DNAJC5: variants seen among roughly 807,000 people sequenced by gnomAD.
The protein encoded by DNAJC5 is dnaJ homolog subfamily C member 5.
Under a neutral mutation model 23.2 loss-of-function variants are expected in DNAJC5, and 1 was observed. The observed-to-expected ratio is 0.04, with a 90% CI of 0.02 to 0.20. The LOEUF (loss-of-function observed/expected upper bound fraction) is 0.20. Among genes scored for constraint, DNAJC5 ranks in the 10% least tolerant of loss-of-function variants. DNAJC5 has a pLI of 1.00. For synonymous variants in DNAJC5, 136 were observed against 120.0 expected (o/e 1.13, Z -0.87); for missense variants, 180 against 267.0 (o/e 0.67, Z 2.27).
At chr20:63,910,349 C>T (rs2053474670) in intron 1 of DNAJC5, among the ~76,000 whole-genome samples, 1 of 152,006 alleles carries the variant, frequency 6.6e-6, no homozygotes, top group Non-Finnish European at 1.5e-5. Context: ...TGGAGACCAT[C>T]CTGGCTAACA....
rs1399475615 is a variant in DNAJC5 at position 63,934,823 on chromosome 20, G to T, written c.*3255G>T. 1 of 152,234 alleles carries T rather than the reference G, an allele frequency of 6.6e-6. No homozygotes were observed. Among genetic ancestry groups the T allele is most frequent in the Non-Finnish European group, 1.5e-5 (1 of 68,052 alleles). The allele number at this position is 152,234 out of a possible 1,614,324, so 9.4% of individuals were successfully genotyped here. A position where few individuals can be genotyped will look rare whatever the true frequency, so the allele number is the denominator to read the frequency against. ...AGAAGAGGCCCTGGAGCCTCACGCCGTCGAGGCTGCTCTCAGGCGTTCTGT... is the reference window on the plus strand; with the variant it reads ...AGAAGAGGCCCTGGAGCCTCACGCCTTCGAGGCTGCTCTCAGGCGTTCTGT... On this transcript the variant is annotated 3_prime_UTR_variant, in exon 5 of 5. Coordinates refer to ENST00000360864, the MANE Select transcript of DNAJC5 (RefSeq NM_025219.3).
intron 1 of DNAJC5, among the ~76,000 whole-genome samples, chr20:63,897,002 C>T (rs1039673389): frequency 6.6e-5 from 10 of 152,070 alleles, no homozygotes; most frequent in African/African-American, 1.5e-4. Context: ...TGAGGAAAGA[C>T]AGCCAGGTAA....
chr20:63,912,276 G>A (rs924170954), intron 1 of DNAJC5, among the ~76,000 whole-genome samples: 51 of 150,562 alleles, frequency 3.4e-4, no homozygotes, highest in African/African-American at 9.8e-4. Context: ...GCACTCCAGC[G>A]TGGGCGACAG....
intron 1 of DNAJC5, among the ~76,000 whole-genome samples, chr20:63,914,066 G>A (rs2053500432): frequency 6.6e-6 from 1 of 152,160 alleles, no homozygotes; most frequent in African/African-American, 2.4e-5. Flanking sequence ...CGAGGCAGTA[G>A]TGAGAAGCCG....
At position 63,931,298 on chromosome 20, in the gene DNAJC5, GGCGGTGACCCAAGGCGACGGAGGAAA is replaced by G; in HGVS notation, c.494-164_494-139del. 5 of 812,142 alleles carry G rather than the reference GGCGGTGACCCAAGGCGACGGAGGAAA, an allele frequency of 6.2e-6. No homozygotes were observed. The allele number at this position is 812,142 out of a possible 1,614,324, so 50.3% of individuals were successfully genotyped here. On this transcript the variant is annotated intron_variant, in intron 4 of 4. Coordinates refer to ENST00000360864, the MANE Select transcript of DNAJC5 (RefSeq NM_025219.3). The surrounding 1 kb of genome is among the most constrained non-coding windows in gnomAD (Gnocchi z 9.6). ...GGGGCGGGGCTGAGGGCCGAGGGCT[GGCGGTGACCCAAGGCGACGGAGGAAA>G]GCCGTGTGGGGTGGAGGTCAGCGAG...
intron 1 of DNAJC5, among the ~76,000 whole-genome samples, chr20:63,910,029 C>G (rs1327442674): frequency 6.6e-6 from 1 of 152,224 alleles, no homozygotes; most frequent in Admixed American, 6.5e-5. Context: ...GCTTTCTTCT[C>G]TAGTGTTGCA....
intron 1 of DNAJC5, among the ~76,000 whole-genome samples, chr20:63,901,784 T>C (rs2053414666): frequency 6.6e-6 from 1 of 152,216 alleles, no homozygotes; most frequent in Non-Finnish European, 1.5e-5. Flanking sequence ...AGGATTGTGT[T>C]TTATTGTAAG....
At chr20:63,904,359 C>T (rs1052856749) in intron 1 of DNAJC5, among the ~76,000 whole-genome samples, 17 of 152,162 alleles carry the variant, frequency 1.1e-4, no homozygotes, top group East Asian at 1.9e-4. Flanking sequence ...TGCATCATCC[C>T]GCCAGGTTGG....
In DNAJC5 at chr20:63,928,495, C is replaced by T. The variant is rs754285564; in HGVS notation, c.107+43C>T. 17 of 1,513,736 alleles carry T rather than the reference C, an allele frequency of 1.1e-5. No individual in the cohort carries two copies. In the East Asian group the frequency reaches 3.8e-4, roughly 34 times the overall value. The allele number at this position is 1,513,736 out of a possible 1,614,324, so 93.8% of individuals were successfully genotyped here. On this transcript the variant is annotated intron_variant, in intron 2 of 4. Transcript: ENST00000360864. This position sits in a 1 kb window ranked among gnomAD's most constrained non-coding sequence, Gnocchi z 4.6. ...GCCCCCACATCCCCCCAGGAAGACA[C>T]ACATGCCCCGTGTGGTTTAGTCTGC...
chr20:63,912,899 C>T (rs529763893), intron 1 of DNAJC5, among the ~76,000 whole-genome samples: 4 of 152,166 alleles, frequency 2.6e-5, no homozygotes, highest in African/African-American at 7.2e-5. Flanking sequence ...GGCCACCGTG[C>T]CCGGCCGGCA....
At position 63,896,545 on chromosome 20, in the gene DNAJC5, C is replaced by G. The variant is rs141794529; in HGVS notation, c.-12+1222C>G. Among the ~76,000 whole-genome samples the G allele has an allele frequency of 6.5e-3, 984 of 152,290 alleles. 8 individuals carry two copies. The highest frequency in any genetic ancestry group is 0.023 in the African/African-American group (943 of 41,558). On this transcript the variant is annotated intron_variant, in intron 1 of 4. Transcript: ENST00000360864. ...CCCTCAGACTGGCCCCTGACTCACT[C>G]TGCACCTGCCATATCAGCCTCCTTG...
chr20:63,931,228 C>G lies in DNAJC5; in HGVS notation c.493+206C>G, dbSNP rs902484520. The G allele has an allele frequency of 1.3e-6, 1 of 792,330 alleles. No individual in the cohort carries two copies. Among genetic ancestry groups the G allele is most frequent in the African/African-American group, 1.7e-5 (1 of 58,836 alleles). 49.1% of individuals were successfully genotyped at this position (792,330 alleles called of 1,614,324 possible). A position where few individuals can be genotyped will look rare whatever the true frequency, so the allele number is the denominator to read the frequency against. Reference sequence around the variant, plus strand: ...TGTCCCCGCCGTGACCTGCGGTAGCCGTAGATCCCAGGGACTGCGAGGCGG... The same window carrying G: ...TGTCCCCGCCGTGACCTGCGGTAGCGGTAGATCCCAGGGACTGCGAGGCGG... On this transcript the variant is annotated intron_variant, in intron 4 of 4. Transcript: ENST00000360864. The surrounding 1 kb of genome is among the most constrained non-coding windows in gnomAD (Gnocchi z 9.6).
At position 63,897,396 on chromosome 20, in the gene DNAJC5, TA is replaced by T. The variant is rs561487665; in HGVS notation, c.-12+2081del. The stretch of plus-strand genomic sequence containing the variant: ...GCAAAAAGAGCAAAACTCCATCTTA[TA>T]AAAAAAATAAAAATAAAAATTAGCT... On this transcript the variant is annotated intron_variant, in intron 1 of 4. Coordinates refer to ENST00000360864, the MANE Select transcript of DNAJC5 (RefSeq NM_025219.3). Among the ~76,000 whole-genome samples the T allele has an allele frequency of 2.3e-3, 338 of 146,230 alleles. 1 individual carries two copies. The highest frequency in any genetic ancestry group is 8.3e-3 in the African/African-American group (325 of 39,070).
chr20:63,933,739 G>A lies in DNAJC5; in HGVS notation c.*2171G>A, dbSNP rs185288496. On this transcript the variant is annotated 3_prime_UTR_variant, in exon 5 of 5. Transcript: ENST00000360864. ...TTTTCCGCAGACTGGCCAAGAGCCA[G>A]GTTCTAAGCTTGGACCTAAGGTAGA... is the stretch of plus-strand genomic sequence containing the variant. 9 of 152,476 alleles carry A rather than the reference G, an allele frequency of 5.9e-5. No individual in the cohort carries two copies. The East Asian group carries it at 1.5e-3, about 26-fold the overall frequency. 9.4% of individuals were successfully genotyped at this position (152,476 alleles called of 1,614,324 possible).
chr20:63,897,864 C>T (rs2053384996), intron 1 of DNAJC5, among the ~76,000 whole-genome samples: 1 of 152,162 alleles, frequency 6.6e-6, no homozygotes, highest in African/African-American at 2.4e-5. Flanking sequence ...CAGCCTCCAC[C>T]TCATGCCTAC....
At chr20:63,914,119 C>A (rs2053500835) in intron 1 of DNAJC5, among the ~76,000 whole-genome samples, 1 of 152,176 alleles carries the variant, frequency 6.6e-6, no homozygotes, top group African/African-American at 2.4e-5. Flanking sequence ...AGCCCTGACG[C>A]CTGCTTCTGT....
chr20:63,897,046 A>T (rs2053380154), intron 1 of DNAJC5, among the ~76,000 whole-genome samples: 1 of 152,192 alleles, frequency 6.6e-6, no homozygotes, highest in African/African-American at 2.4e-5. Context: ...GGACCCTTGT[A>T]AATCTTTTCG....
At chr20:63,922,199 C>T (rs1224847783) in intron 1 of DNAJC5, among the ~76,000 whole-genome samples, 4 of 152,092 alleles carry the variant, frequency 2.6e-5, no homozygotes, top group Non-Finnish European at 5.9e-5. Flanking sequence ...TGGTGGCTCA[C>T]GCCTGTAATC....
chr20:63,932,843 G>A lies in DNAJC5; in HGVS notation c.*1275G>A, dbSNP rs988784434. 3 of 152,326 alleles carry A rather than the reference G, an allele frequency of 2.0e-5. No homozygotes were observed. Among genetic ancestry groups the A allele is most frequent in the African/African-American group, 4.8e-5 (2 of 41,378 alleles). The allele number at this position is 152,326 out of a possible 1,614,324, so 9.4% of individuals were successfully genotyped here. A position where few individuals can be genotyped will look rare whatever the true frequency, so the allele number is the denominator to read the frequency against. On this transcript the variant is annotated 3_prime_UTR_variant, in exon 5 of 5. Coordinates refer to ENST00000360864, the MANE Select transcript of DNAJC5 (RefSeq NM_025219.3). The surrounding 1 kb of genome is among the most constrained non-coding windows in gnomAD (Gnocchi z 4.4). ...GGAATCCACACGTGGACCATTGTGG[G>A]TCCCTTGGGAGGCCAGCAGCCAGAC...
Sources: allele counts gnomAD v4.1 joint callset (sites outside exome capture counted in the v4.1 genomes callset), GRCh38; gene constraint gnomAD v4.1.1; non-coding constraint Gnocchi (gnomAD v3.1); transcripts MANE v1.5; gene names NCBI Gene and HGNC (gene_info 2026-07-23, HGNC 2026-07-21).